KIAA1217: variants seen among roughly 807,000 people sequenced by gnomAD.
The protein encoded by KIAA1217 is KIAA1217, also known as sickle tail protein homolog.
Under a neutral mutation model 163.9 loss-of-function variants are expected in KIAA1217, and 88 were observed. The ratio of observed to expected loss-of-function variants is 0.54; its 90% CI spans 0.45 to 0.64. The LOEUF (loss-of-function observed/expected upper bound fraction) is 0.64. KIAA1217 is among the 30% of genes least tolerant of loss of function. The pLI, the probability that KIAA1217 is intolerant of heterozygous loss-of-function variation, is 0.00. For synonymous variants in KIAA1217, 903 were observed against 923.1 expected (o/e 0.98, Z 0.39); for missense variants, 2,372 against 2,475.0 (o/e 0.96, Z 0.88).
chr10:24,433,276 T>C (rs2274830), intron 4 of KIAA1217, 83 bp downstream of exon 4: 191,978 of 1,027,888 alleles, frequency 0.19, 18,802 homozygotes, highest in African/African-American at 0.21. Flanking sequence ...GAGGGGTTTT[T>C]TTTTACCCAC....
At chr10:24,098,838 G>A (rs2062273622) in intron 2 of KIAA1217, among the ~76,000 whole-genome samples, 1 of 151,726 alleles carries the variant, frequency 6.6e-6, no homozygotes, top group African/African-American at 2.4e-5. Flanking sequence ...GTTTTCATTA[G>A]CTAGGCATGG....
chr10:24,202,308 A>G (rs139539821), intron 2 of KIAA1217, among the ~76,000 whole-genome samples: 1 of 152,136 alleles, frequency 6.6e-6, no homozygotes, highest in African/African-American at 2.4e-5. Flanking sequence ...AGGGCAATTC[A>G]CTTGTTTCGC....
At chr10:24,004,628 G>A (rs958504228) in intron 1 of KIAA1217, among the ~76,000 whole-genome samples, 2 of 152,208 alleles carry the variant, frequency 1.3e-5, no homozygotes, top group African/African-American at 4.8e-5. Flanking sequence ...AAGATCCAGT[G>A]ACCAGCAAAT....
intron 11 of KIAA1217, among the ~76,000 whole-genome samples, 188 bp from the exon 12 acceptor site, chr10:24,521,594 C>G (rs1052607986): frequency 6.6e-6 from 1 of 152,172 alleles, no homozygotes; most frequent in Non-Finnish European, 1.5e-5. Flanking sequence ...CCTAGAGGAG[C>G]TTTACCCTTG....
intron 2 of KIAA1217, among the ~76,000 whole-genome samples, chr10:24,040,439 G>A (rs1462538129): frequency 1.3e-5 from 2 of 152,198 alleles, no homozygotes; most frequent in African/African-American, 2.4e-5. Flanking sequence ...GACACCTGAA[G>A]AAGCATGAGA....
chr10:23,958,427 G>A (rs11013811), intron 1 of KIAA1217, among the ~76,000 whole-genome samples: 28,814 of 152,126 alleles, frequency 0.19, 3,040 homozygotes, highest in Middle Eastern at 0.27. Flanking sequence ...GTGCTTTATA[G>A]GTGGGTAAGA....
intron 2 of KIAA1217, among the ~76,000 whole-genome samples, chr10:24,100,215 A>G (rs1589497256): frequency 6.6e-6 from 1 of 151,880 alleles, no homozygotes; most frequent in East Asian, 1.9e-4. Flanking sequence ...TAGGTTGGTA[A>G]TAAGCTTGAA....
intron 2 of KIAA1217, among the ~76,000 whole-genome samples, chr10:24,090,077 T>C (rs1354410856): frequency 6.6e-6 from 1 of 151,650 alleles, no homozygotes; most frequent in Non-Finnish European, 1.5e-5. Flanking sequence ...TGCTCTCCTC[T>C]GCCGTCTAAA....
intron 1 of KIAA1217, among the ~76,000 whole-genome samples, chr10:23,790,782 G>T (rs1163894854): frequency 9.2e-5 from 14 of 151,366 alleles, no homozygotes; most frequent in Non-Finnish European, 1.5e-5. Flanking sequence ...CACCCAGGCT[G>T]GAGTCCAGTG....
At chr10:23,905,042 G>A (rs1288644661) in intron 1 of KIAA1217, among the ~76,000 whole-genome samples, 1 of 147,416 alleles carries the variant, frequency 6.8e-6, no homozygotes, top group African/African-American at 2.5e-5. Flanking sequence ...CATTGAATTG[G>A]GATTCTTCTT....
intron 1 of KIAA1217, among the ~76,000 whole-genome samples, chr10:23,860,456 G>T (rs1839897968): frequency 6.6e-6 from 1 of 151,966 alleles, no homozygotes; most frequent in Non-Finnish European, 1.5e-5. Context: ...CATGTAAAAG[G>T]TATATAATTT....
chr10:24,281,190 T>C (rs1377436141), intron 2 of KIAA1217, among the ~76,000 whole-genome samples: 2 of 152,236 alleles, frequency 1.3e-5, no homozygotes, highest in Non-Finnish European at 2.9e-5. Context: ...ATTAGCATCT[T>C]ACATCAATAT....
At chr10:24,032,101 G>T (rs1410608218) in intron 2 of KIAA1217, among the ~76,000 whole-genome samples, 3 of 151,970 alleles carry the variant, frequency 2.0e-5, no homozygotes, top group Non-Finnish European at 2.9e-5. Flanking sequence ...TTGGCTTTCA[G>T]TAACCAGAAA....
At chr10:23,749,126 A>G (rs1465882319) in intron 1 of KIAA1217, among the ~76,000 whole-genome samples, 1 of 151,832 alleles carries the variant, frequency 6.6e-6, no homozygotes, top group East Asian at 1.9e-4. Flanking sequence ...TCAATTCCTC[A>G]CCACGTAGAC....
chr10:24,421,162 C>T (rs2058706382), intron 3 of KIAA1217, among the ~76,000 whole-genome samples: 1 of 152,168 alleles, frequency 6.6e-6, no homozygotes, highest in Non-Finnish European at 1.5e-5. Context: ...TATGCCACCA[C>T]ACCCAGCTAA....
intron 11 of KIAA1217, 33 bp downstream of exon 11, chr10:24,520,286 G>A (rs1564847168): frequency 6.2e-7 from 1 of 1,612,156 alleles, no homozygotes; most frequent in Non-Finnish European, 8.5e-7. Flanking sequence ...GGAGGAGTCT[G>A]AGCTGTCTTT....
At chr10:23,835,748 T>C (rs528673043) in intron 1 of KIAA1217, among the ~76,000 whole-genome samples, 1 of 152,308 alleles carries the variant, frequency 6.6e-6, no homozygotes, top group South Asian at 2.1e-4. Flanking sequence ...GATTTTTTTT[T>C]TCTATCCCAT....
At chr10:24,177,012 G>A (rs2065924659) in intron 2 of KIAA1217, among the ~76,000 whole-genome samples, 1 of 151,782 alleles carries the variant, frequency 6.6e-6, no homozygotes. Flanking sequence ...CCAGCTGGCT[G>A]CTCCGAGTGC....
chr10:24,231,083 G>A (rs757906528), intron 2 of KIAA1217, among the ~76,000 whole-genome samples: 2 of 152,186 alleles, frequency 1.3e-5, no homozygotes, highest in Non-Finnish European at 2.9e-5. Context: ...GAGATTTAAC[G>A]CTCATCCTGC....
Sources: allele counts gnomAD v4.1 joint callset (sites outside exome capture counted in the v4.1 genomes callset), GRCh38; gene constraint gnomAD v4.1.1; transcripts MANE v1.5; gene names NCBI Gene and HGNC (gene_info 2026-07-23, HGNC 2026-07-21).